The following MARK2 variants were observed in gnomAD, a reference collection of about 807,000 sequenced individuals.
MARK2 encodes microtubule affinity regulating kinase 2.
A neutral mutation model predicts 89.8 loss-of-function variants in MARK2; 16 were observed. The ratio of observed to expected loss-of-function variants is 0.18; its 90% CI spans 0.12 to 0.27. The LOEUF (loss-of-function observed/expected upper bound fraction) is 0.27, where lower values mean the gene tolerates loss of function less well. Ranked by LOEUF, MARK2 falls within the 10% of genes least tolerant of loss-of-function variation. The pLI is 1.00. For missense variants in MARK2, 621 were observed against 1,049.9 expected, an observed-to-expected ratio of 0.59 and a Z score of 5.65; for synonymous variants, 382 against 399.5, an observed-to-expected ratio of 0.96 and a Z score of 0.52.
chr11:63,885,077 C>G (rs1939313964), intron 1 of MARK2, among the ~76,000 whole-genome samples: 1 of 152,174 alleles, frequency 6.6e-6, no homozygotes, highest in Non-Finnish European at 1.5e-5. Context: ...GTGGCCCATG[C>G]CTGTAGCCCC....
At chr11:63,871,110 A>G (rs984677877) in intron 1 of MARK2, among the ~76,000 whole-genome samples, 2 of 152,096 alleles carry the variant, frequency 1.3e-5, no homozygotes, top group African/African-American at 2.4e-5. Context: ...GTGTGTGTGT[A>G]TATGCATATT....
At chr11:63,848,476 C>G (rs888183967) in intron 1 of MARK2, among the ~76,000 whole-genome samples, 2 of 152,086 alleles carry the variant, frequency 1.3e-5, no homozygotes, top group Admixed American at 6.6e-5. Flanking sequence ...ACCTCCGCTT[C>G]CCAGGTTCAA....
chr11:63,902,049 G>C lies in MARK2; in HGVS notation c.1102-149G>C, dbSNP rs1037711249. On this transcript the variant is annotated intron_variant, in intron 11 of 18. Transcript: ENST00000402010. The surrounding 1 kb of genome is among the most constrained non-coding windows in gnomAD (Gnocchi z 4.2). The stretch of plus-strand genomic sequence containing the variant: ...TGTGTGTCTCCAGGGTCTCCTCCAG[G>C]GGGGATGTATTGGTCTTACAAGTGG... The C allele has an allele frequency of 4.1e-5, 30 of 734,706 alleles. No homozygotes were observed. Among genetic ancestry groups the C allele is most frequent in the East Asian group, 3.8e-4 (14 of 36,760 alleles). 45.5% of individuals were successfully genotyped at this position (734,706 alleles called of 1,614,324 possible).
intron 1 of MARK2, among the ~76,000 whole-genome samples, chr11:63,881,334 G>A (rs573682020): frequency 1.3e-5 from 2 of 152,200 alleles, no homozygotes; most frequent in Non-Finnish European, 2.9e-5. Flanking sequence ...CCCTCCTTTT[G>A]TAGTGTAGTC....
At chr11:63,873,105 TA>T (rs1208883643) in intron 1 of MARK2, among the ~76,000 whole-genome samples, 2 of 152,032 alleles carry the variant, frequency 1.3e-5, no homozygotes, top group Non-Finnish European at 2.9e-5. Flanking sequence ...CCAGTCTCCT[TA>T]GGGGTGATGG....
In MARK2 at chr11:63,856,766, ATGTTTTTTTTTTTTT is replaced by A. The variant is rs1440746524; in HGVS notation, c.54+17208_54+17222del. Among the ~76,000 whole-genome samples, 136 of 41,324 alleles carry A rather than the reference ATGTTTTTTTTTTTTT, an allele frequency of 3.3e-3. 1 individual carries two copies. The highest frequency in any genetic ancestry group is 9.9e-3 in the African/African-American group (125 of 12,672). The allele number at this position is 41,324 out of a possible 152,430, so 27.1% of individuals were successfully genotyped here. A position where few individuals can be genotyped will look rare whatever the true frequency, so the allele number is the denominator to read the frequency against. On this transcript the variant is annotated intron_variant, in intron 1 of 18. Transcript: ENST00000402010. ...ATTTTTTTCCATTTTTAAATTTTTC[ATGTTTTTTTTTTTTT>A]TTTTTTTTTTTTTTTTTTTTTTTTG... is the stretch of plus-strand genomic sequence containing the variant.
chr11:63,896,871 G>A (rs4980531), intron 3 of MARK2, among the ~76,000 whole-genome samples: 38 of 152,254 alleles, frequency 2.5e-4, no homozygotes, highest in Non-Finnish European at 4.4e-4. Context: ...GCCTGCCATC[G>A]TAATAATCGC....
chr11:63,897,227 C>T (rs774672147), intron 3 of MARK2, among the ~76,000 whole-genome samples: 1 of 152,224 alleles, frequency 6.6e-6, no homozygotes, highest in Non-Finnish European at 1.5e-5. Flanking sequence ...TTCAGAGCTG[C>T]TCCCCATTAC....
At chr11:63,839,870 C>T (rs980610812) in intron 1 of MARK2, among the ~76,000 whole-genome samples, 1 of 152,104 alleles carries the variant, frequency 6.6e-6, no homozygotes, top group African/African-American at 2.4e-5. Flanking sequence ...AGGGGCCTTT[C>T]TGGTCTTCCT....
rs1023845140 is a variant in MARK2, at chr11:63,909,516, C to G, written c.*279C>G. On this transcript the variant is annotated 3_prime_UTR_variant, in exon 19 of 19. Coordinates refer to ENST00000402010, the MANE Select transcript of MARK2 (RefSeq NM_001039469.3). ...AGGGTGGATGGGGGGGCAGGGCTCCCCCTCGGTACTGCGGTTGCACAGAGT... is the reference window on the plus strand; with the variant it reads ...AGGGTGGATGGGGGGGCAGGGCTCCGCCTCGGTACTGCGGTTGCACAGAGT... 5 of 350,136 alleles carry G rather than the reference C, an allele frequency of 1.4e-5. No individual in the cohort carries two copies. The highest frequency in any genetic ancestry group is 1.1e-4 in the African/African-American group (5 of 46,792). 21.7% of individuals were successfully genotyped at this position (350,136 alleles called of 1,614,324 possible).
chr11:63,839,826 T>G (rs2015916995), intron 1 of MARK2, among the ~76,000 whole-genome samples: 1 of 151,980 alleles, frequency 6.6e-6, no homozygotes, highest in South Asian at 2.1e-4. Flanking sequence ...CCGTGTCACC[T>G]CCCCAGCTTC....
chr11:63,857,348 C>T (rs1009302486), intron 1 of MARK2, among the ~76,000 whole-genome samples: 3 of 151,800 alleles, frequency 2.0e-5, no homozygotes, highest in Non-Finnish European at 2.9e-5. Context: ...TTAGTAGAGA[C>T]GGGGTTTCTC....
At chr11:63,867,185 C>A (rs1938183966) in intron 1 of MARK2, among the ~76,000 whole-genome samples, 2 of 152,202 alleles carry the variant, frequency 1.3e-5, no homozygotes, top group Non-Finnish European at 2.9e-5. Context: ...TGCCACAACA[C>A]CCAGCAAATG....
Position 63,909,459 on chromosome 11 carries a change from C to T in MARK2, c.*222C>T, listed in dbSNP as rs1639982550. 1 of 455,576 alleles carries T rather than the reference C, an allele frequency of 2.2e-6. No individual in the cohort carries two copies. Among genetic ancestry groups the T allele is most frequent in the African/African-American group, 2.0e-5 (1 of 49,130 alleles). The allele number at this position is 455,576 out of a possible 1,614,324, so 28.2% of individuals were successfully genotyped here. On this transcript the variant is annotated 3_prime_UTR_variant, in exon 19 of 19. Transcript: ENST00000402010. The stretch of plus-strand genomic sequence containing the variant: ...CACCCCTGCCCAGAGATTCCCCCTT[C>T]TCCTCTCCCCTACTGGAGGCAAAGG...
intron 1 of MARK2, among the ~76,000 whole-genome samples, chr11:63,856,769 T>TTTTG (rs2135226969): frequency 1.3e-4 from 1 of 7,538 alleles, no homozygotes; most frequent in East Asian, 0.01. Flanking sequence ...ATTTTTCATG[T>TTTTG]TTTTTTTTTT....
chr11:63,857,839 T>A (rs1361438553), intron 1 of MARK2, among the ~76,000 whole-genome samples: 5 of 152,078 alleles, frequency 3.3e-5, no homozygotes, highest in Admixed American at 6.6e-5. Flanking sequence ...TGATACATTT[T>A]TTTTTTATTT....
At chr11:63,908,853 C>T in intron 18 of MARK2, 24 bp from the exon 19 acceptor site, 2 of 1,433,344 alleles carry the variant, frequency 1.4e-6, no homozygotes, top group South Asian at 1.7e-5. Context: ...CCCCCCGTGA[C>T]GCCCGCCTCT....
At chr11:63,898,445 C>T (rs1401815991) in intron 4 of MARK2, among the ~76,000 whole-genome samples, 163 bp from the exon 5 acceptor site, 1 of 152,150 alleles carries the variant, frequency 6.6e-6, no homozygotes, top group Non-Finnish European at 1.5e-5. Flanking sequence ...GCACACTGGG[C>T]TGTCTTTAGC....
intron 1 of MARK2, among the ~76,000 whole-genome samples, chr11:63,851,743 T>C (rs1289985085): frequency 6.6e-6 from 1 of 152,198 alleles, no homozygotes; most frequent in Non-Finnish European, 1.5e-5. Flanking sequence ...TTCTGTACAT[T>C]TAAGGATTCA....
Sources: allele counts gnomAD v4.1 joint callset (sites outside exome capture counted in the v4.1 genomes callset), GRCh38; gene constraint gnomAD v4.1.1; non-coding constraint Gnocchi (gnomAD v3.1); transcripts MANE v1.5; gene names NCBI Gene and HGNC (gene_info 2026-07-23, HGNC 2026-07-21).